Variants in TMEM120B observed in about 807,000 individuals in gnomAD.
TMEM120B encodes the protein transmembrane protein 120B.
Under a neutral mutation model 55.5 loss-of-function variants are expected in TMEM120B, and 31 were observed. That is an observed-to-expected ratio of 0.56 (90% CI 0.42 to 0.75). TMEM120B has a LOEUF of 0.75. Among genes scored for constraint, TMEM120B ranks in the 30% least tolerant of loss-of-function variants. The pLI is 0.00. For missense variants in TMEM120B, 399 were observed against 425.5 expected, an observed-to-expected ratio of 0.94 and a Z score of 0.55; for synonymous variants, 203 against 176.3, an observed-to-expected ratio of 1.15 and a Z score of -1.20.
intron 5 of TMEM120B, 44 bp from the exon 6 acceptor site, chr12:121,761,605 G>A (rs1873679225): frequency 6.7e-7 from 1 of 1,498,086 alleles, no homozygotes; most frequent in East Asian, 2.3e-5. Context: ...GCTGTGCCTG[G>A]TTCTCACGCC....
At chr12:121,745,541 G>A (rs1422663749) in intron 2 of TMEM120B, among the ~76,000 whole-genome samples, 2 of 151,174 alleles carry the variant, frequency 1.3e-5, no homozygotes, top group African/African-American at 4.9e-5. Flanking sequence ...ACAGGTGCCC[G>A]CCACCACGCC....
chr12:121,780,596 G>A lies in TMEM120B; in HGVS notation c.*4874G>A. ...GGCTCCACTTCTCGCTAGCTGTGTG[G>A]CCCTGGGCAAGCTGCTTAACCTCTC... is the stretch of plus-strand genomic sequence containing the variant. On this transcript the variant is annotated 3_prime_UTR_variant, in exon 12 of 12. Transcript: ENST00000449592. The A allele has an allele frequency of 1.9e-6, 1 of 539,288 alleles. No individual in the cohort carries two copies. Among genetic ancestry groups the A allele is most frequent in the South Asian group, 2.8e-5 (1 of 35,398 alleles). 33.4% of individuals were successfully genotyped at this position (539,288 alleles called of 1,614,324 possible).
intron 4 of TMEM120B, among the ~76,000 whole-genome samples, chr12:121,751,588 C>T (rs1385711715): frequency 6.6e-6 from 1 of 151,860 alleles, no homozygotes; most frequent in Non-Finnish European, 1.5e-5. Flanking sequence ...ACACTCTCCT[C>T]CTCTGTAGGT....
intron 1 of TMEM120B, among the ~76,000 whole-genome samples, chr12:121,736,902 G>C (rs1263881224): frequency 6.6e-6 from 1 of 152,012 alleles, no homozygotes; most frequent in East Asian, 1.9e-4. Context: ...ATTTGTCTTA[G>C]TTGGGGCTAC....
At position 121,770,986 on chromosome 12, in the gene TMEM120B, C is replaced by T. The variant is rs575641179; in HGVS notation, c.617+14C>T. On this transcript the variant is annotated intron_variant, in intron 7 of 11. Transcript: ENST00000449592. ...GATGCTGACCTGGTGAGTAGCCCCTCGCTGGGCCCCTCCAGCCTCCCAGGG... is the reference window on the plus strand; with the variant it reads ...GATGCTGACCTGGTGAGTAGCCCCTTGCTGGGCCCCTCCAGCCTCCCAGGG... 1.8e-5 allele frequency: 29 copies of T among 1,613,030 alleles called. No homozygotes were observed. The highest frequency in any genetic ancestry group is 4.0e-5 in the African/African-American group (3 of 75,032).
At chr12:121,742,883 G>A (rs1872975402) in intron 1 of TMEM120B, among the ~76,000 whole-genome samples, 1 of 152,150 alleles carries the variant, frequency 6.6e-6, no homozygotes. Context: ...CCAGCTTATT[G>A]TTTTTAATGT....
At chr12:121,746,937 G>A (rs1286767909) in intron 2 of TMEM120B, among the ~76,000 whole-genome samples, 5 of 150,956 alleles carry the variant, frequency 3.3e-5, no homozygotes, top group Non-Finnish European at 5.9e-5. Context: ...CAGCCTGGGC[G>A]ACAGAGCAAG....
intron 1 of TMEM120B, among the ~76,000 whole-genome samples, chr12:121,729,281 A>ATCTC (rs1894953169): frequency 6.6e-6 from 1 of 152,220 alleles, no homozygotes; most frequent in Admixed American, 6.6e-5. Flanking sequence ...CGGAAAAAGC[A>ATCTC]TCTCAAAGCA....
chr12:121,736,464 G>A (rs1169074038), intron 1 of TMEM120B, among the ~76,000 whole-genome samples: 4 of 150,370 alleles, frequency 2.7e-5, no homozygotes, highest in African/African-American at 4.9e-5. Context: ...CACCGTGCCC[G>A]GCCGGTCTCG....
At chr12:121,749,534 T>C (rs1180302232) in intron 3 of TMEM120B, among the ~76,000 whole-genome samples, 2 of 152,022 alleles carry the variant, frequency 1.3e-5, no homozygotes, top group African/African-American at 4.8e-5. Flanking sequence ...TTTAACAAAA[T>C]TGGTGTGCTG....
At chr12:121,717,977 G>A (rs1894731247) in intron 1 of TMEM120B, among the ~76,000 whole-genome samples, 1 of 152,160 alleles carries the variant, frequency 6.6e-6, no homozygotes, top group South Asian at 2.1e-4. Flanking sequence ...TTTAGTAGCA[G>A]ATTGTGCAGA....
At chr12:121,750,566 A>AG (rs1566517030) in intron 4 of TMEM120B, 127 bp downstream of exon 4, 5 of 644,718 alleles carry the variant, frequency 7.8e-6, no homozygotes, top group Non-Finnish European at 1.3e-5. Flanking sequence ...CCCACACCTC[A>AG]AACCCACACC....
At chr12:121,753,461 C>T (rs984357124) in intron 5 of TMEM120B, among the ~76,000 whole-genome samples, 1 of 151,988 alleles carries the variant, frequency 6.6e-6, no homozygotes, top group African/African-American at 2.4e-5. Flanking sequence ...ATCCCAGCTA[C>T]CCAAGAGGTT....
chr12:121,742,003 C>T (rs1872945499), intron 1 of TMEM120B, among the ~76,000 whole-genome samples: 1 of 149,996 alleles, frequency 6.7e-6, no homozygotes, highest in South Asian at 2.1e-4. Context: ...ACTGACTTAA[C>T]TTCCTTTTTT....
chr12:121,722,096 T>G (rs565149585), intron 1 of TMEM120B, among the ~76,000 whole-genome samples: 254 of 133,744 alleles, frequency 1.9e-3, no homozygotes, highest in African/African-American at 6.3e-3. Context: ...CCACCACACC[T>G]GGCCTTTTTT....
intron 9 of TMEM120B, 57 bp downstream of exon 9, chr12:121,773,570 A>T: frequency 7.3e-7 from 1 of 1,367,270 alleles, no homozygotes; most frequent in East Asian, 2.6e-5. Context: ...CCAGCTCCCC[A>T]CACCGGGAGT....
rs371740389 is a variant in TMEM120B, at chr12:121,781,820, G to C, written c.*6098G>C. ...TTCTTGCAAGCACTAGGAGGAGGGT[G>C]GTGGGTTGCTGGGAACAGCACCGAG... On this transcript the variant is annotated 3_prime_UTR_variant, in exon 12 of 12. Transcript: ENST00000449592. 6.5e-6 allele frequency: 1 copy of C among 153,164 alleles called. No individual in the cohort carries two copies. The highest frequency in any genetic ancestry group is 2.4e-5 in the African/African-American group (1 of 41,414). The allele number at this position is 153,164 out of a possible 1,614,324, so 9.5% of individuals were successfully genotyped here. A position where few individuals can be genotyped will look rare whatever the true frequency, so the allele number is the denominator to read the frequency against.
chr12:121,721,059 C>G (rs549363336), intron 1 of TMEM120B, among the ~76,000 whole-genome samples: 3 of 152,164 alleles, frequency 2.0e-5, no homozygotes, highest in Non-Finnish European at 4.4e-5. Context: ...GCAGAGATCC[C>G]TGAATCTTCC....
intron 1 of TMEM120B, among the ~76,000 whole-genome samples, chr12:121,723,880 C>T (rs953535034): frequency 1.5e-4 from 23 of 152,040 alleles, no homozygotes; most frequent in Non-Finnish European, 2.1e-4. Context: ...ATGACCACGG[C>T]AGCCTTCACC....
Sources: gnomAD v4.1 joint callset for allele counts (sites outside exome capture counted in the v4.1 genomes callset) on GRCh38, gnomAD v4.1.1 for gene constraint, MANE v1.5 for transcripts, NCBI Gene and HGNC (gene_info 2026-07-23, HGNC 2026-07-21) for gene names.